CWH43: variants seen among roughly 807,000 people sequenced by gnomAD.
CWH43 encodes cell wall biogenesis 43 C-terminal homolog.
A neutral mutation model predicts 85.7 loss-of-function variants in CWH43; 91 were observed. The ratio of observed to expected loss-of-function variants is 1.06; its 90% CI spans 0.90 to 1.26. The LOEUF is 1.26. Ranked by LOEUF, CWH43 falls within the 50% of genes most tolerant of loss-of-function variation. The pLI, the probability that CWH43 is intolerant of heterozygous loss-of-function variation, is 0.00. For synonymous variants in CWH43, 323 were observed against 293.6 expected (o/e 1.10, Z -1.02); for missense variants, 869 against 839.2 (o/e 1.04, Z -0.44).
At position 49,049,630 on chromosome 4, in the gene CWH43, C is replaced by T. The variant is rs966624421; in HGVS notation, c.1866-1064C>T. Among the ~76,000 whole-genome samples the T allele has an allele frequency of 3.9e-5, 6 of 152,268 alleles. No individual in the cohort carries two copies. In the South Asian group the frequency reaches 1.0e-3, roughly 26 times the overall value. On this transcript the variant is annotated intron_variant, in intron 14 of 15. Coordinates refer to ENST00000226432, the MANE Select transcript of CWH43 (RefSeq NM_025087.3). ...CATGTTCCCTCTTATGCACTTCACT[C>T]CGGTCATGGTGGAGTTGGCCCGCAA...
chr4:48,998,379 G>T (rs1320076281), intron 5 of CWH43, 81 bp from the exon 6 acceptor site: 2 of 1,073,806 alleles, frequency 1.9e-6, no homozygotes, highest in African/African-American at 3.1e-5. Flanking sequence ...ACCCAGAGGT[G>T]GGAGGTATAT....
At chr4:48,991,334 T>G (rs1782648536) in intron 2 of CWH43, 120 bp from the exon 3 acceptor site, 1 of 967,482 alleles carries the variant, frequency 1.0e-6, no homozygotes, top group South Asian at 2.1e-5. Flanking sequence ...TATAAAATTA[T>G]ACATCAACTC....
chr4:49,061,940 A>G lies in CWH43; in HGVS notation c.*50A>G, dbSNP rs371925350. On this transcript the variant is annotated 3_prime_UTR_variant, in exon 16 of 16. Transcript: ENST00000226432. ...GCTGGGAAAATCTAAGAAAAAAAGT[A>G]TGTAAGATAAAAAGAAGAGATTAAT... 7 of 1,246,736 alleles carry G rather than the reference A, an allele frequency of 5.6e-6. No homozygotes were observed. The highest frequency in any genetic ancestry group is 3.1e-5 in the African/African-American group (2 of 65,470). 77.2% of individuals were successfully genotyped at this position (1,246,736 alleles called of 1,614,324 possible).
At chr4:49,007,711 T>TTCTC (rs1783208435) in intron 8 of CWH43, among the ~76,000 whole-genome samples, 1 of 151,740 alleles carries the variant, frequency 6.6e-6, no homozygotes. Context: ...CACCTATGAG[T>TTCTC]GAGAACATGT....
chr4:49,008,796 G>A (rs1414209170), intron 8 of CWH43, among the ~76,000 whole-genome samples: 5 of 152,162 alleles, frequency 3.3e-5, no homozygotes, highest in African/African-American at 1.2e-4. Context: ...GATGTGAGGT[G>A]TTATTTCTGA....
intron 2 of CWH43, 52 bp from the exon 3 acceptor site, chr4:48,991,402 G>T (rs1782649785): frequency 2.5e-6 from 4 of 1,607,630 alleles, no homozygotes; most frequent in Non-Finnish European, 3.4e-6. Context: ...AGATCACGGA[G>T]TTCCAATCCA....
chr4:49,054,572 C>T (rs1478269491), intron 15 of CWH43, among the ~76,000 whole-genome samples: 1 of 152,090 alleles, frequency 6.6e-6, no homozygotes, highest in Non-Finnish European at 1.5e-5. Flanking sequence ...ATAAGGATTA[C>T]ATTGAATCTG....
In CWH43 at chr4:49,061,914, G is replaced by T; in HGVS notation, c.*24G>T. The T allele has an allele frequency of 7.6e-7, 1 of 1,318,750 alleles. No individual in the cohort carries two copies. Among genetic ancestry groups the T allele is most frequent in the South Asian group, 1.6e-5 (1 of 61,014 alleles). The allele number at this position is 1,318,750 out of a possible 1,614,324, so 81.7% of individuals were successfully genotyped here. ...GAAACATTTAAAACAAGAAGTTATT[G>T]GCTGGGAAAATCTAAGAAAAAAAGT... On this transcript the variant is annotated 3_prime_UTR_variant, in exon 16 of 16. Coordinates refer to ENST00000226432, the MANE Select transcript of CWH43 (RefSeq NM_025087.3).
chr4:49,016,813 G>A (rs1177347227), intron 8 of CWH43: 38 of 777,054 alleles, frequency 4.9e-5, no homozygotes, highest in Non-Finnish European at 5.5e-5. Flanking sequence ...GCCAGAGCAC[G>A]GGCCACTTTC....
At chr4:49,050,061 A>G (rs1784746702) in intron 14 of CWH43, among the ~76,000 whole-genome samples, 1 of 152,232 alleles carries the variant, frequency 6.6e-6, no homozygotes, top group South Asian at 2.1e-4. Context: ...TCATTGAATA[A>G]ATGAATGACT....
intron 15 of CWH43, among the ~76,000 whole-genome samples, chr4:49,057,691 A>C (rs1785011011): frequency 6.6e-6 from 1 of 152,124 alleles, no homozygotes; most frequent in Non-Finnish European, 1.5e-5. Flanking sequence ...TGAATGATTT[A>C]TCCATTGTTG....
At chr4:49,014,439 A>G (rs1259854848) in intron 8 of CWH43, among the ~76,000 whole-genome samples, 1 of 149,102 alleles carries the variant, frequency 6.7e-6, no homozygotes, top group Admixed American at 6.6e-5. Context: ...AGCATGGATG[A>G]CAGAATGAGA....
At chr4:49,021,801 T>C (rs1783758751) in intron 9 of CWH43, among the ~76,000 whole-genome samples, 1 of 152,190 alleles carries the variant, frequency 6.6e-6, no homozygotes, top group Non-Finnish European at 1.5e-5. Flanking sequence ...TTTTATTTTA[T>C]TTATTTTTTC....
intron 15 of CWH43, among the ~76,000 whole-genome samples, chr4:49,051,717 C>T (rs1396075082): frequency 6.6e-6 from 1 of 152,060 alleles, no homozygotes; most frequent in Admixed American, 6.5e-5. Context: ...GCTGGGACTA[C>T]AGGTGCACGC....
intron 14 of CWH43, among the ~76,000 whole-genome samples, chr4:49,049,635 CA>C (rs1032383926): frequency 1.2e-4 from 18 of 152,168 alleles, no homozygotes; most frequent in Non-Finnish European, 2.4e-4. Flanking sequence ...TCACTCCGGT[CA>C]TGGTGGAGTT....
chr4:49,017,328 G>A lies in CWH43; in HGVS notation c.1266G>A (p.Val422=). ...HKAYERKLGK[V]APTKEVSAAI... ...CCTATGAGAGAAAACTGGGCAAAGT[G>A]GTAAGTAATTAAAAACCTTGAAATA... The change falls in exon 9 of 16, where the codon GTG becomes GTA. Residue 422 remains valine (V), a splice_region_variant and synonymous_variant. Transcript: ENST00000226432. The A allele has an allele frequency of 1.9e-6, 3 of 1,598,322 alleles. No homozygotes were observed. Among genetic ancestry groups the A allele is most frequent in the Non-Finnish European group, 2.6e-6 (3 of 1,168,396 alleles).
chr4:49,034,968 T>C (rs2109812345), intron 12 of CWH43, among the ~76,000 whole-genome samples: 1 of 152,310 alleles, frequency 6.6e-6, no homozygotes, highest in East Asian at 1.9e-4. Flanking sequence ...CAAACATGAA[T>C]CAAGCATCTG....
chr4:49,028,670 G>A lies in CWH43; in HGVS notation c.1308G>A (p.Arg436=). The change falls in exon 10 of 16, where the codon AGG becomes AGA. Residue 436 remains arginine, a synonymous_variant. Transcript: ENST00000226432. ...TCTCTGCTGCCATCTGGCCTTTCAG[G>A]TTTGGATATGACAATGAAGGGTGGT... ...KEVSAAIWPF[R]FGYDNEGWSS... is the part of the protein sequence containing the mutation. 1 of 1,613,950 alleles carries A rather than the reference G, an allele frequency of 6.2e-7. No homozygotes were observed.
chr4:49,042,114 G>A (rs1784481246), intron 13 of CWH43, among the ~76,000 whole-genome samples: 1 of 152,166 alleles, frequency 6.6e-6, no homozygotes, highest in Non-Finnish European at 1.5e-5. Context: ...AGGGCTCAAT[G>A]GGGATAGTTC....
Sources: allele counts gnomAD v4.1 joint callset (sites outside exome capture counted in the v4.1 genomes callset), GRCh38; gene constraint gnomAD v4.1.1; transcripts MANE v1.5; gene names NCBI Gene and HGNC (gene_info 2026-07-23, HGNC 2026-07-21).